The following WWOX variants were observed in gnomAD, a reference collection of about 807,000 sequenced individuals.
WWOX encodes the protein WW domain containing oxidoreductase.
WWOX carries 69 observed loss-of-function variants against 46.2 expected under a neutral mutation model. That is an observed-to-expected ratio of 1.49 (90% CI 1.23 to 1.82). The LOEUF (loss-of-function observed/expected upper bound fraction) is 1.82, where lower values mean the gene tolerates loss of function less well. Among genes scored for constraint, WWOX ranks in the 40% most tolerant of loss-of-function variants. The probability of loss-of-function intolerance (pLI) is 0.00; values close to 1 mark genes in which losing one functional copy is unlikely to be tolerated. For missense variants in WWOX, 919 were observed against 542.6 expected (o/e 1.69, Z -6.89); for synonymous variants, 359 against 202.6 (o/e 1.77, Z -6.56).
At chr16:79,045,215 G>C (rs1330501504) in intron 8 of WWOX, among the ~76,000 whole-genome samples, 5 of 152,182 alleles carry the variant, frequency 3.3e-5, no homozygotes, top group Non-Finnish European at 7.3e-5. Flanking sequence ...TTCTTATGTG[G>C]TGGATGTACC....
At chr16:78,526,671 T>TG (rs1345475983) in intron 8 of WWOX, 1 of 152,372 alleles carries the variant, frequency 6.6e-6, no homozygotes, top group East Asian at 1.9e-4. Flanking sequence ...CCTGTGGTCT[T>TG]GCCAGCCCAG....
intron 8 of WWOX, among the ~76,000 whole-genome samples, chr16:78,867,631 C>G (rs141163626): frequency 2.6e-5 from 4 of 151,888 alleles, no homozygotes; most frequent in African/African-American, 7.3e-5. Flanking sequence ...ACTACAACAT[C>G]CCAGGTTCAA....
intron 8 of WWOX, among the ~76,000 whole-genome samples, chr16:79,193,939 G>C (rs532322274): frequency 6.6e-6 from 1 of 152,264 alleles, no homozygotes; most frequent in African/African-American, 2.4e-5. Flanking sequence ...CGTGAGTTTG[G>C]ATCCCAGCTC....
chr16:78,328,815 T>G (rs1031085843), intron 5 of WWOX, among the ~76,000 whole-genome samples: 1 of 134,720 alleles, frequency 7.4e-6, no homozygotes, highest in Non-Finnish European at 1.6e-5. Context: ...GTTGACCTTT[T>G]GCCGATGTGT....
intron 8 of WWOX, among the ~76,000 whole-genome samples, chr16:78,796,518 A>G (rs9932188): frequency 0.15 from 23,274 of 152,320 alleles, 2,000 homozygotes; most frequent in South Asian, 0.22. Flanking sequence ...GGCAAGAGAA[A>G]TGTTTTCAGT....
intron 8 of WWOX, among the ~76,000 whole-genome samples, chr16:79,024,029 G>A (rs1157249240): frequency 6.6e-6 from 1 of 152,128 alleles, no homozygotes; most frequent in Non-Finnish European, 1.5e-5. Context: ...GTGAATCTGT[G>A]TATACAAAGT....
chr16:78,201,732 C>A (rs1597346076), intron 5 of WWOX, among the ~76,000 whole-genome samples: 1 of 151,986 alleles, frequency 6.6e-6, no homozygotes, highest in Admixed American at 6.6e-5. Flanking sequence ...GACAGTCTCA[C>A]TTTGTCACCA....
chr16:78,847,588 C>G (rs1012287936), intron 8 of WWOX, among the ~76,000 whole-genome samples: 9 of 152,042 alleles, frequency 5.9e-5, no homozygotes, highest in African/African-American at 1.7e-4. Context: ...CCCGCCTCAG[C>G]TTCCCTAAGT....
chr16:78,744,145 G>C (rs146687049), intron 8 of WWOX, among the ~76,000 whole-genome samples: 30 of 152,262 alleles, frequency 2.0e-4, no homozygotes, highest in African/African-American at 6.0e-4. Flanking sequence ...CAGTAAACAG[G>C]CATTTGATAC....
intron 8 of WWOX, among the ~76,000 whole-genome samples, chr16:79,190,537 T>G (rs2051114470): frequency 6.6e-6 from 1 of 152,174 alleles, no homozygotes; most frequent in South Asian, 2.1e-4. Context: ...TGAAATTCAC[T>G]TCACGTTTCC....
intron 5 of WWOX, among the ~76,000 whole-genome samples, chr16:78,319,410 C>T (rs1386713936): frequency 1.3e-5 from 2 of 152,092 alleles, no homozygotes; most frequent in Admixed American, 6.6e-5. Context: ...ACAGTGTGTA[C>T]CATCACGCCC....
At chr16:78,775,097 C>T (rs2050156773) in intron 8 of WWOX, among the ~76,000 whole-genome samples, 1 of 152,142 alleles carries the variant, frequency 6.6e-6, no homozygotes, top group African/African-American at 2.4e-5. Context: ...GACAGAGTCA[C>T]CAACTCACTC....
chr16:78,625,008 C>T (rs995468131), intron 8 of WWOX, among the ~76,000 whole-genome samples: 1 of 152,160 alleles, frequency 6.6e-6, no homozygotes, highest in African/African-American at 2.4e-5. Flanking sequence ...GTTCTGCCTC[C>T]ATCACTGGAA....
At chr16:78,740,220 C>G (rs996945682) in intron 8 of WWOX, among the ~76,000 whole-genome samples, 1 of 152,178 alleles carries the variant, frequency 6.6e-6, no homozygotes, top group Non-Finnish European at 1.5e-5. Context: ...AAATGGGACT[C>G]AGGAAGGCTG....
chr16:78,659,880 C>A (rs1282818718), intron 8 of WWOX, among the ~76,000 whole-genome samples: 1 of 152,158 alleles, frequency 6.6e-6, no homozygotes. Flanking sequence ...AAGTCCGGGT[C>A]CCCAGGCTCA....
chr16:79,192,751 A>T (rs1191794740), intron 8 of WWOX, among the ~76,000 whole-genome samples: 1 of 152,204 alleles, frequency 6.6e-6, no homozygotes, highest in Non-Finnish European at 1.5e-5. Flanking sequence ...AAGAGGCAGT[A>T]GAGTGAGAAG....
chr16:78,233,012 G>A (rs1450238744), intron 5 of WWOX, among the ~76,000 whole-genome samples: 1 of 151,934 alleles, frequency 6.6e-6, no homozygotes, highest in Non-Finnish European at 1.5e-5. Context: ...CAGCTAATTT[G>A]TAATTGTTTG....
intron 5 of WWOX, among the ~76,000 whole-genome samples, chr16:78,236,227 C>G (rs1252929260): frequency 3.3e-5 from 5 of 152,206 alleles, no homozygotes; most frequent in East Asian, 1.9e-4. Flanking sequence ...AGTTTTCTCA[C>G]TGTCAATGTG....
At chr16:78,265,736 G>A (rs1323984794) in intron 5 of WWOX, among the ~76,000 whole-genome samples, 1 of 149,798 alleles carries the variant, frequency 6.7e-6, no homozygotes, top group African/African-American at 2.4e-5. Context: ...CTCCATGAGG[G>A]CACAAAGTTG....
Sources: gnomAD v4.1 joint callset for allele counts (sites outside exome capture counted in the v4.1 genomes callset) on GRCh38, gnomAD v4.1.1 for gene constraint, MANE v1.5 for transcripts, NCBI Gene and HGNC (gene_info 2026-07-23, HGNC 2026-07-21) for gene names.